The following BLMH variants were observed in gnomAD, a reference collection of about 807,000 sequenced individuals.
BLMH encodes BLM hydrolase.
A neutral mutation model predicts 61.6 loss-of-function variants in BLMH; 32 were observed. The ratio of observed to expected loss-of-function variants is 0.52; its 90% CI spans 0.39 to 0.70. The LOEUF (loss-of-function observed/expected upper bound fraction) is 0.70, where lower values mean the gene tolerates loss of function less well. Ranked by LOEUF, BLMH falls within the 30% of genes least tolerant of loss-of-function variation. The pLI, the probability that BLMH is intolerant of heterozygous loss-of-function variation, is 0.00. For missense variants in BLMH, 460 were observed against 555.5 expected (o/e 0.83, Z 1.73); for synonymous variants, 183 against 193.8 (o/e 0.94, Z 0.46).
At chr17:30,252,813 T>C (rs1567830254) in intron 11 of BLMH, among the ~76,000 whole-genome samples, 1 of 152,174 alleles carries the variant, frequency 6.6e-6, no homozygotes, top group Non-Finnish European at 1.5e-5. Context: ...AGGCCCACTC[T>C]GTAGCTACTT....
At chr17:30,265,786 C>G (rs1908086951) in intron 11 of BLMH, among the ~76,000 whole-genome samples, 1 of 152,166 alleles carries the variant, frequency 6.6e-6, no homozygotes, top group Non-Finnish European at 1.5e-5. Flanking sequence ...TACATGCTCA[C>G]AGGTACACAT....
intron 11 of BLMH, among the ~76,000 whole-genome samples, chr17:30,259,243 G>A (rs1597657843): frequency 6.6e-6 from 1 of 152,148 alleles, no homozygotes; most frequent in South Asian, 2.1e-4. Flanking sequence ...CATAGCCTTT[G>A]AAAGAACGAA....
At chr17:30,291,723 GC>G in intron 1 of BLMH, 83 bp downstream of exon 1, 1 of 1,416,510 alleles carries the variant, frequency 7.1e-7, no homozygotes, top group Non-Finnish European at 9.2e-7. Flanking sequence ...AAGGGTCCCA[GC>G]CCCCGGCCTT....
chr17:30,256,883 G>A (rs965464054), intron 11 of BLMH, among the ~76,000 whole-genome samples: 6 of 152,148 alleles, frequency 3.9e-5, no homozygotes, highest in Non-Finnish European at 8.8e-5. Flanking sequence ...TTTGTCAACC[G>A]CTTCTGTTAG....
At chr17:30,259,398 TACC>T (rs1907899899) in intron 11 of BLMH, among the ~76,000 whole-genome samples, 1 of 152,160 alleles carries the variant, frequency 6.6e-6, no homozygotes, top group African/African-American at 2.4e-5. Context: ...TTCCACTATT[TACC>T]ACCATGTTCT....
At chr17:30,281,274 C>T (rs941342020) in intron 6 of BLMH, among the ~76,000 whole-genome samples, 2 of 151,956 alleles carry the variant, frequency 1.3e-5, no homozygotes, top group African/African-American at 4.8e-5. Flanking sequence ...AAATAATGAT[C>T]TTGAGATTAC....
At chr17:30,269,678 C>T in intron 10 of BLMH, among the ~76,000 whole-genome samples, 1 of 152,112 alleles carries the variant, frequency 6.6e-6, no homozygotes, top group East Asian at 1.9e-4. Flanking sequence ...GTGGGAGTCT[C>T]GCTAACTACA....
intron 11 of BLMH, among the ~76,000 whole-genome samples, chr17:30,264,311 T>C (rs1567833255): frequency 1.3e-5 from 2 of 152,166 alleles, no homozygotes; most frequent in Non-Finnish European, 2.9e-5. Flanking sequence ...CTTTACTAGA[T>C]AGCTGCAGAT....
At chr17:30,291,185 C>A in intron 2 of BLMH, 126 bp downstream of exon 2, 1 of 1,203,392 alleles carries the variant, frequency 8.3e-7, no homozygotes, top group Non-Finnish European at 1.2e-6. Context: ...TGTACCTGTG[C>A]CTCATTCTTT....
At position 30,274,054 on chromosome 17, in the gene BLMH, A is replaced by G; in HGVS notation, c.789T>C (p.Asn263=). Residue 263 remains asparagine, a synonymous_variant, in exon 7 of 12, where the codon AAT becomes AAC. Coordinates refer to ENST00000261714, the MANE Select transcript of BLMH (RefSeq NM_000386.4). ...FYREHVKPLF[N]MEDKICLVND... ...GCCATTCACCAACCTTATCTTCCAT[A>G]TTGAAGAGTGGCTTGACATGTTCCC... is the stretch of plus-strand genomic sequence containing the variant. 6.2e-7 allele frequency: 1 copy of G among 1,614,128 alleles called. No individual in the cohort carries two copies. Among genetic ancestry groups the G allele is most frequent in the Non-Finnish European group, 8.5e-7 (1 of 1,180,008 alleles).
rs551641542 is a variant in BLMH at position 30,255,229 on chromosome 17, T to C, written c.1217-6061A>G. Among the ~76,000 whole-genome samples the C allele has an allele frequency of 2.0e-5, 3 of 152,322 alleles. No homozygotes were observed. The South Asian group carries it at 6.2e-4, about 32-fold the overall frequency. On this transcript the variant is annotated intron_variant, in intron 11 of 11. Transcript: ENST00000261714. Reference sequence around the variant, plus strand: ...ATGTATTTTTGCTGTACCTTTTCTATGTTTAGATACACAAATAACACTGTG... The same window carrying C: ...ATGTATTTTTGCTGTACCTTTTCTACGTTTAGATACACAAATAACACTGTG...
At chr17:30,283,564 C>G (rs1397823580) in intron 6 of BLMH, among the ~76,000 whole-genome samples, 1 of 149,156 alleles carries the variant, frequency 6.7e-6, no homozygotes, top group Non-Finnish European at 1.5e-5. Context: ...ACTCTGTCAC[C>G]AGGCTGGAGT....
intron 10 of BLMH, among the ~76,000 whole-genome samples, chr17:30,267,605 TCTC>T (rs1355855499): frequency 6.6e-6 from 1 of 152,184 alleles, no homozygotes; most frequent in African/African-American, 2.4e-5. Flanking sequence ...CTTCTACTGT[TCTC>T]CTTCTTCCAT....
chr17:30,290,912 C>A (rs1908867492), intron 2 of BLMH: 1 of 173,250 alleles, frequency 5.8e-6, no homozygotes, highest in Non-Finnish European at 1.2e-5. Flanking sequence ...TACATTGTAT[C>A]TTTTCTATTT....
At chr17:30,286,554 G>A (rs1193215737) in intron 5 of BLMH, among the ~76,000 whole-genome samples, 4 of 152,146 alleles carry the variant, frequency 2.6e-5, no homozygotes, top group Non-Finnish European at 5.9e-5. Context: ...AATTGGACAT[G>A]GGACTTTATT....
At chr17:30,265,796 T>C (rs1390706632) in intron 11 of BLMH, among the ~76,000 whole-genome samples, 2 of 152,152 alleles carry the variant, frequency 1.3e-5, no homozygotes, top group Non-Finnish European at 2.9e-5. Context: ...CAGGTACACA[T>C]ATGCCATGGT....
chr17:30,271,914 T>A (rs1356012243), intron 9 of BLMH, among the ~76,000 whole-genome samples: 1 of 152,214 alleles, frequency 6.6e-6, no homozygotes, highest in Admixed American at 6.5e-5. Flanking sequence ...CTAGTTAGTG[T>A]GAGAGACACA....
Position 30,287,796 on chromosome 17 carries a change from G to T in BLMH, c.463+10C>A, listed in dbSNP as rs978088535. 1.9e-6 allele frequency: 3 copies of T among 1,613,050 alleles called. No individual in the cohort carries two copies. Among genetic ancestry groups the T allele is most frequent in the Admixed American group, 1.7e-5 (1 of 59,852 alleles). ...CTGAGTTTCAGTTCCATTAAAGAAA[G>T]AACTTTTACCAACAATATTAACAAG... On this transcript the variant is annotated intron_variant, in intron 4 of 11. Transcript: ENST00000261714.
intron 6 of BLMH, among the ~76,000 whole-genome samples, chr17:30,280,095 C>T (rs935795370): frequency 1.3e-5 from 2 of 152,172 alleles, no homozygotes; most frequent in Admixed American, 1.3e-4. Flanking sequence ...AAGGCAGCTA[C>T]AGGCAGACAC....
Sources: allele counts gnomAD v4.1 joint callset (sites outside exome capture counted in the v4.1 genomes callset), GRCh38; gene constraint gnomAD v4.1.1; transcripts MANE v1.5; gene names NCBI Gene and HGNC (gene_info 2026-07-23, HGNC 2026-07-21).